Variants in FBXL7 observed in about 807,000 individuals in gnomAD.
The protein encoded by FBXL7 is F-box/LRR-repeat protein 7.
FBXL7 carries 12 observed loss-of-function variants against 38.3 expected under a neutral mutation model. The ratio of observed to expected loss-of-function variants is 0.31; its 90% CI spans 0.20 to 0.51. FBXL7 has a LOEUF of 0.51. Ranked by LOEUF, FBXL7 falls within the 20% of genes least tolerant of loss-of-function variation. The pLI, the probability that FBXL7 is intolerant of heterozygous loss-of-function variation, is 0.98. For missense variants in FBXL7, 567 were observed against 676.4 expected (o/e 0.84, Z 1.79); for synonymous variants, 297 against 300.9 (o/e 0.99, Z 0.13).
chr5:15,766,188 G>A (rs376397375), intron 2 of FBXL7, among the ~76,000 whole-genome samples: 2 of 152,082 alleles, frequency 1.3e-5, no homozygotes, highest in Non-Finnish European at 2.9e-5. Flanking sequence ...CCCCAAATAC[G>A]GAATGCCTTA....
At chr5:15,919,038 C>G (rs1741673396) in intron 2 of FBXL7, among the ~76,000 whole-genome samples, 1 of 152,176 alleles carries the variant, frequency 6.6e-6, no homozygotes, top group Non-Finnish European at 1.5e-5. Context: ...TCTTTTCTCA[C>G]TAGCTAGGTT....
At chr5:15,666,428 A>G (rs1742279306) in intron 2 of FBXL7, among the ~76,000 whole-genome samples, 1 of 152,206 alleles carries the variant, frequency 6.6e-6, no homozygotes, top group African/African-American at 2.4e-5. Context: ...ACTTTGTGCA[A>G]GAAGAAAATG....
At chr5:15,619,168 T>G (rs574911401) in intron 2 of FBXL7, among the ~76,000 whole-genome samples, 14 of 152,326 alleles carry the variant, frequency 9.2e-5, no homozygotes, top group African/African-American at 3.4e-4. Flanking sequence ...TCTGAGGATT[T>G]CTTCCTTTTT....
intron 1 of FBXL7, among the ~76,000 whole-genome samples, chr5:15,545,141 C>T (rs1409733961): frequency 6.6e-6 from 1 of 152,218 alleles, no homozygotes; most frequent in Non-Finnish European, 1.5e-5. Flanking sequence ...TGACTCCATT[C>T]TCAATGCTCA....
chr5:15,541,441 G>GTATATATATATATATATATATA (rs35405191), intron 1 of FBXL7, among the ~76,000 whole-genome samples: 1 of 53,370 alleles, frequency 1.9e-5, no homozygotes, highest in Non-Finnish European at 3.7e-5. Context: ...ATGTGTGTGT[G>GTATATATATATATATATATATA]TGTATATATA....
chr5:15,754,073 C>T (rs1179287654), intron 2 of FBXL7, among the ~76,000 whole-genome samples: 1 of 152,186 alleles, frequency 6.6e-6, no homozygotes, highest in Non-Finnish European at 1.5e-5. Context: ...TTACCATATT[C>T]AGTAAAGCTT....
chr5:15,846,180 T>C (rs1738897850), intron 2 of FBXL7, among the ~76,000 whole-genome samples: 1 of 152,226 alleles, frequency 6.6e-6, no homozygotes, highest in Admixed American at 6.5e-5. Flanking sequence ...AATCCTTTTT[T>C]ATAACTTGTT....
intron 2 of FBXL7, among the ~76,000 whole-genome samples, chr5:15,758,895 A>G (rs1391568065): frequency 6.8e-6 from 1 of 146,546 alleles, no homozygotes; most frequent in African/African-American, 2.5e-5. Flanking sequence ...GAGTAGTTAT[A>G]ATTTTAGTGT....
At chr5:15,648,083 G>T (rs991875478) in intron 2 of FBXL7, among the ~76,000 whole-genome samples, 1 of 152,218 alleles carries the variant, frequency 6.6e-6, no homozygotes, top group Non-Finnish European at 1.5e-5. Flanking sequence ...GTGACATGAG[G>T]TGGATAGAAT....
Position 15,740,341 on chromosome 5 carries a change from G to A in FBXL7, c.127+124269G>A, listed in dbSNP as rs369406047. ...TTTCCTGCAAGTTATGGATGGTGGG[G>A]TCTGCCCTTTCACTTTGACATACCT... On this transcript the variant is annotated intron_variant, in intron 2 of 3. Transcript: ENST00000504595. Among the ~76,000 whole-genome samples the A allele has an allele frequency of 5.5e-4, 84 of 152,236 alleles. No individual in the cohort carries two copies. The South Asian group carries it at 0.016, about 30-fold the overall frequency.
chr5:15,929,305 A>G (rs1445071694), intron 3 of FBXL7, among the ~76,000 whole-genome samples: 1 of 152,250 alleles, frequency 6.6e-6, no homozygotes, highest in East Asian at 1.9e-4. Context: ...GGTCCATTGA[A>G]TTAAATCTTT....
chr5:15,618,861 G>C (rs908239039), intron 2 of FBXL7, among the ~76,000 whole-genome samples: 5 of 152,118 alleles, frequency 3.3e-5, no homozygotes, highest in Admixed American at 3.3e-4. Flanking sequence ...ATTCGACTGA[G>C]GGACATAAAA....
At chr5:15,895,701 T>C (rs1741079259) in intron 2 of FBXL7, among the ~76,000 whole-genome samples, 2 of 142,382 alleles carry the variant, frequency 1.4e-5, no homozygotes, top group South Asian at 2.3e-4. Flanking sequence ...TGGAGTGCAG[T>C]GGCGCAAACT....
At chr5:15,893,333 A>G (rs965640993) in intron 2 of FBXL7, among the ~76,000 whole-genome samples, 1 of 152,136 alleles carries the variant, frequency 6.6e-6, no homozygotes, top group African/African-American at 2.4e-5. Context: ...AAAGGATGCT[A>G]TGAAATTATG....
intron 2 of FBXL7, among the ~76,000 whole-genome samples, chr5:15,810,753 A>T (rs1737839572): frequency 6.6e-6 from 1 of 152,180 alleles, no homozygotes; most frequent in Non-Finnish European, 1.5e-5. Context: ...AACTGAAATG[A>T]AATAATAAAT....
chr5:15,767,918 A>G (rs1416258714), intron 2 of FBXL7, among the ~76,000 whole-genome samples: 1 of 152,220 alleles, frequency 6.6e-6, no homozygotes, highest in Non-Finnish European at 1.5e-5. Flanking sequence ...CTTAATAATC[A>G]CACATTTTTA....
intron 1 of FBXL7, among the ~76,000 whole-genome samples, chr5:15,581,447 T>G (rs1359003618): frequency 2.6e-5 from 4 of 152,162 alleles, no homozygotes; most frequent in Admixed American, 2.6e-4. Flanking sequence ...GCTACTAATG[T>G]TGGCTAGTGG....
rs372779936 is a variant in FBXL7, at chr5:15,633,965, G to A, written c.127+17893G>A. Among the ~76,000 whole-genome samples, 20 of 151,612 alleles carry A rather than the reference G, an allele frequency of 1.3e-4. No homozygotes were observed. The South Asian group carries it at 4.0e-3, about 30-fold the overall frequency. On this transcript the variant is annotated intron_variant, in intron 2 of 3. Transcript: ENST00000504595. Reference sequence around the variant, plus strand: ...CCAGCTAATTTTTGTATTTTTAGTAGAGATGGGGTTTTACCATGTTGGCCA... The same window carrying A: ...CCAGCTAATTTTTGTATTTTTAGTAAAGATGGGGTTTTACCATGTTGGCCA...
chr5:15,733,832 G>A (rs535571047), intron 2 of FBXL7, among the ~76,000 whole-genome samples: 5 of 152,200 alleles, frequency 3.3e-5, no homozygotes, highest in African/African-American at 9.6e-5. Flanking sequence ...TTAATGGCCG[G>A]GTGCAGTGGC....
Sources: allele counts gnomAD v4.1 joint callset (sites outside exome capture counted in the v4.1 genomes callset), GRCh38; gene constraint gnomAD v4.1.1; transcripts MANE v1.5; gene names NCBI Gene and HGNC (gene_info 2026-07-23, HGNC 2026-07-21).